The following FARS2 variants were observed in gnomAD, a reference collection of about 807,000 sequenced individuals.
The protein encoded by FARS2 is phenylalanine--tRNA ligase, mitochondrial.
A neutral mutation model predicts 46.4 loss-of-function variants in FARS2; 40 were observed. That is an observed-to-expected ratio of 0.86 (90% CI 0.67 to 1.12). The LOEUF is 1.12. Ranked by LOEUF, FARS2 falls within the 50% of genes most tolerant of loss-of-function variation. The probability of loss-of-function intolerance (pLI) is 0.00; values close to 1 mark genes in which losing one functional copy is unlikely to be tolerated. For synonymous variants in FARS2, 234 were observed against 214.9 expected (o/e 1.09, Z -0.78); for missense variants, 513 against 567.9 (o/e 0.90, Z 0.98).
At chr6:5,532,876 T>C (rs1769950948) in intron 4 of FARS2, among the ~76,000 whole-genome samples, 1 of 152,178 alleles carries the variant, frequency 6.6e-6, no homozygotes, top group Non-Finnish European at 1.5e-5. Flanking sequence ...GCGAGTTCAT[T>C]AAATTGAAGA....
At chr6:5,324,737 A>C (rs1770237284) in intron 1 of FARS2, among the ~76,000 whole-genome samples, 1 of 151,288 alleles carries the variant, frequency 6.6e-6, no homozygotes, top group South Asian at 2.1e-4. Flanking sequence ...GAAATGAACA[A>C]TGGACTGAAG....
At chr6:5,707,645 T>C (rs1758840765) in intron 6 of FARS2, among the ~76,000 whole-genome samples, 1 of 152,194 alleles carries the variant, frequency 6.6e-6, no homozygotes, top group South Asian at 2.1e-4. Flanking sequence ...GAATAATACC[T>C]TTTCTGCCTC....
At chr6:5,578,808 C>CAAAAAAAA (rs56248218) in intron 5 of FARS2, among the ~76,000 whole-genome samples, 8 of 124,352 alleles carry the variant, frequency 6.4e-5, no homozygotes, top group South Asian at 2.5e-4. Flanking sequence ...CACTCCGTCT[C>CAAAAAAAA]AAAAAAAAAA....
intron 4 of FARS2, among the ~76,000 whole-genome samples, chr6:5,482,593 G>A (rs990995921): frequency 3.9e-5 from 6 of 152,136 alleles, no homozygotes; most frequent in African/African-American, 1.2e-4. Flanking sequence ...CAAGCTTCCT[G>A]GAAGTGAAGG....
At chr6:5,411,107 AAAC>A (rs1257128037) in intron 3 of FARS2, among the ~76,000 whole-genome samples, 4 of 152,054 alleles carry the variant, frequency 2.6e-5, no homozygotes, top group Non-Finnish European at 5.9e-5. Context: ...CCCCCTGGCC[AAAC>A]AACAACAACA....
chr6:5,740,537 G>A (rs1761265310), intron 6 of FARS2, among the ~76,000 whole-genome samples: 1 of 151,216 alleles, frequency 6.6e-6, no homozygotes, highest in Admixed American at 6.6e-5. Context: ...CCATCAGCTT[G>A]GCTTCAGCAC....
chr6:5,703,078 A>G (rs1351983912), intron 6 of FARS2, among the ~76,000 whole-genome samples: 3 of 152,232 alleles, frequency 2.0e-5, no homozygotes, highest in African/African-American at 7.2e-5. Flanking sequence ...CATAGGTAAA[A>G]CTTTTAATGG....
At chr6:5,341,227 A>C (rs1171178648) in intron 1 of FARS2, among the ~76,000 whole-genome samples, 1 of 4,650 alleles carries the variant, frequency 2.2e-4, no homozygotes. Context: ...ATATATATAT[A>C]TATATATATT....
In FARS2 at chr6:5,446,186, G is replaced by C. The variant is rs1263032557; in HGVS notation, c.904+15014G>C. ...CCACTGCACTCCAGCCTGGGCGACA[G>C]AGTGAGACTCCATCTTAAAAAAAAA... On this transcript the variant is annotated intron_variant, in intron 4 of 6. Transcript: ENST00000274680. Among the ~76,000 whole-genome samples, 2 of 150,326 alleles carry C rather than the reference G, an allele frequency of 1.3e-5. 1 individual carries two copies. Among genetic ancestry groups the C allele is most frequent in the Non-Finnish European group, 2.9e-5 (2 of 67,824 alleles).
upstream of FARS2, among the ~76,000 whole-genome samples, chr6:5,256,494 A>G (rs1218324409): frequency 9.4e-5 from 2 of 21,354 alleles, no homozygotes; most frequent in Admixed American, 4.7e-4. Context: ...TCAACTGGAA[A>G]AAAAAAAAAA....
rs1762658764 is a variant in FARS2, at chr6:5,764,671, C to G, written c.1218-6620C>G. Among the ~76,000 whole-genome samples the G allele has an allele frequency of 6.6e-6, 1 of 152,176 alleles. No homozygotes were observed. Among genetic ancestry groups the G allele is most frequent in the South Asian group, 2.1e-4 (1 of 4,830 alleles). On this transcript the variant is annotated intron_variant, in intron 6 of 6. Transcript: ENST00000274680. This position sits in a 1 kb window ranked among gnomAD's most constrained non-coding sequence, Gnocchi z 4.1. ...TCTGGGAGGTGTTGAGCGCACCATC[C>G]AAGAACATGAAGTCGCTGCTCTGTC...
intron 6 of FARS2, among the ~76,000 whole-genome samples, chr6:5,692,776 T>C (rs1757838783): frequency 6.6e-6 from 1 of 152,228 alleles, no homozygotes; most frequent in East Asian, 1.9e-4. Context: ...ATGTGGGATA[T>C]GATGTGTGTG....
At chr6:5,362,114 A>C (rs145150726) in intron 1 of FARS2, among the ~76,000 whole-genome samples, 1 of 152,324 alleles carries the variant, frequency 6.6e-6, no homozygotes, top group Non-Finnish European at 1.5e-5. Flanking sequence ...TACTTCTTAG[A>C]GCAGTCTTGT....
At chr6:5,713,715 T>A (rs1007894852) in intron 6 of FARS2, among the ~76,000 whole-genome samples, 1 of 152,220 alleles carries the variant, frequency 6.6e-6, no homozygotes, top group Non-Finnish European at 1.5e-5. Flanking sequence ...ACCGCAGAGC[T>A]TTCAAAGGGG....
chr6:5,483,952 G>A (rs1053647148), intron 4 of FARS2, among the ~76,000 whole-genome samples: 1 of 151,998 alleles, frequency 6.6e-6, no homozygotes, highest in Non-Finnish European at 1.5e-5. Flanking sequence ...AAGGAGACTT[G>A]GAAGTTTGAA....
chr6:5,444,092 C>CGTGTGTAT (rs1554185888), intron 4 of FARS2, among the ~76,000 whole-genome samples: 1 of 146,206 alleles, frequency 6.8e-6, no homozygotes, highest in Non-Finnish European at 1.5e-5. Flanking sequence ...GGAAGATCCT[C>CGTGTGTAT]GTGTGTGTGT....
intron 1 of FARS2, among the ~76,000 whole-genome samples, chr6:5,367,655 A>C (rs890835043): frequency 4.0e-5 from 6 of 151,764 alleles, no homozygotes; most frequent in African/African-American, 1.2e-4. Context: ...TTTACTTAAA[A>C]ATCTAGGTCA....
At chr6:5,715,122 G>T (rs958369492) in intron 6 of FARS2, among the ~76,000 whole-genome samples, 1 of 152,082 alleles carries the variant, frequency 6.6e-6, no homozygotes, top group African/African-American at 2.4e-5. Flanking sequence ...CATTTAACTC[G>T]TGCACGCCCA....
At chr6:5,459,436 T>C (rs1765105725) in intron 4 of FARS2, among the ~76,000 whole-genome samples, 1 of 152,166 alleles carries the variant, frequency 6.6e-6, no homozygotes, top group East Asian at 1.9e-4. Context: ...TCTTATATTA[T>C]TCTGGCTCCA....
Sources: allele counts gnomAD v4.1 joint callset (sites outside exome capture counted in the v4.1 genomes callset), GRCh38; gene constraint gnomAD v4.1.1; non-coding constraint Gnocchi (gnomAD v3.1); transcripts MANE v1.5; gene names NCBI Gene and HGNC (gene_info 2026-07-23, HGNC 2026-07-21).